AGBL1: variants seen among roughly 807,000 people sequenced by gnomAD.
The protein encoded by AGBL1 is cytosolic carboxypeptidase 4.
In AGBL1, 130 loss-of-function variants were observed where a neutral mutation model predicts 118.9. That is an observed-to-expected ratio of 1.09 (90% CI 0.95 to 1.26). The LOEUF (loss-of-function observed/expected upper bound fraction) is 1.26, where lower values mean the gene tolerates loss of function less well. Among genes scored for constraint, AGBL1 ranks in the 50% most tolerant of loss-of-function variants. The probability of loss-of-function intolerance (pLI) is 0.00; values close to 1 mark genes in which losing one functional copy is unlikely to be tolerated. For missense variants in AGBL1, 1,584 were observed against 1,298.1 expected (o/e 1.22, Z -3.38); for synonymous variants, 555 against 478.9 (o/e 1.16, Z -2.08).
chr15:86,494,593 C>G (rs1435207167), intron 18 of AGBL1, among the ~76,000 whole-genome samples: 1 of 152,068 alleles, frequency 6.6e-6, no homozygotes, highest in Non-Finnish European at 1.5e-5. Flanking sequence ...TCAGACCTAA[C>G]TTATTATCAC....
At chr15:86,444,615 A>C (rs2082100262) in intron 18 of AGBL1, among the ~76,000 whole-genome samples, 1 of 152,172 alleles carries the variant, frequency 6.6e-6, no homozygotes, top group South Asian at 2.1e-4. Context: ...TCTTGGGAGC[A>C]TTGTCCATGC....
intron 23 of AGBL1, among the ~76,000 whole-genome samples, chr15:86,938,275 C>G (rs1299236973): frequency 6.6e-6 from 1 of 152,134 alleles, no homozygotes; most frequent in African/African-American, 2.4e-5. Flanking sequence ...CCTCCAAGAG[C>G]CCTTTCCCCT....
intron 22 of AGBL1, among the ~76,000 whole-genome samples, chr15:86,774,012 A>C (rs1294843517): frequency 6.6e-6 from 1 of 152,112 alleles, no homozygotes; most frequent in African/African-American, 2.4e-5. Flanking sequence ...AATGACCCAC[A>C]TTCAGAAGTA....
chr15:87,020,150 C>G (rs2081649518), intron 24 of AGBL1, among the ~76,000 whole-genome samples: 1 of 152,038 alleles, frequency 6.6e-6, no homozygotes, highest in Non-Finnish European at 1.5e-5. Flanking sequence ...AGCCCAGGAC[C>G]AGAAGAATTT....
At chr15:86,884,709 G>A (rs1176119685) in intron 22 of AGBL1, among the ~76,000 whole-genome samples, 1 of 152,184 alleles carries the variant, frequency 6.6e-6, no homozygotes, top group African/African-American at 2.4e-5. Flanking sequence ...CTACTCTGGA[G>A]GCTGACGTGG....
At chr15:86,329,966 C>T (rs1330695040) in intron 17 of AGBL1, among the ~76,000 whole-genome samples, 1 of 152,228 alleles carries the variant, frequency 6.6e-6, no homozygotes, top group East Asian at 1.9e-4. Flanking sequence ...CATCACTGTG[C>T]AGAGGACTTG....
intron 22 of AGBL1, among the ~76,000 whole-genome samples, chr15:86,854,362 G>A (rs573277533): frequency 6.6e-6 from 1 of 152,264 alleles, no homozygotes; most frequent in Admixed American, 6.5e-5. Context: ...TCAGGGAGAT[G>A]CATGGTGTCC....
chr15:86,573,900 C>G (rs1320415018), intron 21 of AGBL1, among the ~76,000 whole-genome samples: 1 of 152,168 alleles, frequency 6.6e-6, no homozygotes, highest in East Asian at 1.9e-4. Context: ...CTATCTACCC[C>G]CAAGTATTCC....
At chr15:86,275,782 T>C (rs1401640733) in intron 15 of AGBL1, among the ~76,000 whole-genome samples, 2 of 152,202 alleles carry the variant, frequency 1.3e-5, no homozygotes, top group Non-Finnish European at 2.9e-5. Flanking sequence ...CAGCTAATCT[T>C]CAAGATCACT....
chr15:86,096,062 T>A (rs1172072153), intron 1 of AGBL1, among the ~76,000 whole-genome samples: 1 of 152,108 alleles, frequency 6.6e-6, no homozygotes, highest in East Asian at 1.9e-4. Flanking sequence ...TACATTAAAA[T>A]TTTTTTGTTT....
chr15:86,479,546 GT>G (rs1178121937), intron 18 of AGBL1, among the ~76,000 whole-genome samples: 2 of 152,190 alleles, frequency 1.3e-5, no homozygotes, highest in African/African-American at 2.4e-5. Context: ...TCTCCCACCA[GT>G]TAGAATGGTG....
At chr15:86,475,674 C>T (rs1452028440) in intron 18 of AGBL1, among the ~76,000 whole-genome samples, 1 of 152,204 alleles carries the variant, frequency 6.6e-6, no homozygotes, top group Admixed American at 6.5e-5. Flanking sequence ...AGGAGAACTT[C>T]CCCAACCTAG....
chr15:86,433,692 A>C (rs752384244), intron 18 of AGBL1, among the ~76,000 whole-genome samples: 4 of 152,144 alleles, frequency 2.6e-5, no homozygotes, highest in Non-Finnish European at 5.9e-5. Flanking sequence ...TTAAGCTTCC[A>C]GTGTCTACTC....
At chr15:86,690,614 G>A (rs1425801449) in intron 22 of AGBL1, among the ~76,000 whole-genome samples, 3 of 152,142 alleles carry the variant, frequency 2.0e-5, no homozygotes, top group Non-Finnish European at 4.4e-5. Flanking sequence ...CGAATCATTA[G>A]GGTGACAAAG....
rs1196347342 is a variant in AGBL1 at position 86,912,236 on chromosome 15, G to A, written c.*4942G>A. ...TCAAGCTGGTGGTTGCCATGGAAGAGTTCCCAGTGCGAGGCGAGCTTAACA... is the reference window on the plus strand; with the variant it reads ...TCAAGCTGGTGGTTGCCATGGAAGAATTCCCAGTGCGAGGCGAGCTTAACA... On this transcript the variant is annotated 3_prime_UTR_variant, in exon 23 of 23. Transcript: ENST00000614907. 2.6e-5 allele frequency: 4 copies of A among 152,198 alleles called. No individual in the cohort carries two copies. The highest frequency in any genetic ancestry group is 4.4e-5 in the Non-Finnish European group (3 of 68,060). 9.4% of individuals were successfully genotyped at this position (152,198 alleles called of 1,614,324 possible).
intron 23 of AGBL1, among the ~76,000 whole-genome samples, chr15:86,964,555 G>C (rs1333897792): frequency 1.2e-4 from 18 of 151,792 alleles, no homozygotes; most frequent in Non-Finnish European, 1.5e-5. Flanking sequence ...TCCTGAACAT[G>C]AACCACTGAC....
rs998651530 is a variant in AGBL1 at position 86,597,058 on chromosome 15, C to T, written c.2994+42521C>T. On this transcript the variant is annotated intron_variant, in intron 21 of 22. Coordinates refer to ENST00000614907, the MANE Select transcript of AGBL1 (RefSeq NM_001386094.1). ...TTTTCCACAGCAAGATGGATTTATC[C>T]ATCAGTCCATTTGTTTCTTTGTCCA... 1.1e-4 allele frequency among the ~76,000 whole-genome samples: 16 copies of T among 152,102 alleles called. No homozygotes were observed. In the East Asian group the frequency reaches 2.9e-3, roughly 28 times the overall value.
intron 17 of AGBL1, among the ~76,000 whole-genome samples, chr15:86,352,883 G>T (rs935774007): frequency 6.6e-6 from 1 of 152,136 alleles, no homozygotes. Context: ...GAGACCTCAG[G>T]TTATGACAAC....
At chr15:86,646,965 C>G (rs949019588) in intron 21 of AGBL1, among the ~76,000 whole-genome samples, 5 of 152,114 alleles carry the variant, frequency 3.3e-5, no homozygotes, top group African/African-American at 1.2e-4. Flanking sequence ...CATGACATTT[C>G]CTTATTCTGT....
Sources: allele counts gnomAD v4.1 joint callset (sites outside exome capture counted in the v4.1 genomes callset), GRCh38; gene constraint gnomAD v4.1.1; transcripts MANE v1.5; gene names NCBI Gene and HGNC (gene_info 2026-07-23, HGNC 2026-07-21).